RBM25: variants seen among roughly 807,000 people sequenced by gnomAD.
The protein encoded by RBM25 is RNA-binding protein 25.
A neutral mutation model predicts 120.7 loss-of-function variants in RBM25; 19 were observed. That is an observed-to-expected ratio of 0.16 (90% CI 0.11 to 0.23). The LOEUF (loss-of-function observed/expected upper bound fraction) is 0.23, where lower values mean the gene tolerates loss of function less well. Among genes scored for constraint, RBM25 ranks in the 10% least tolerant of loss-of-function variants. The pLI is 1.00. For missense variants in RBM25, 605 were observed against 1,041.5 expected (o/e 0.58, Z 5.77); for synonymous variants, 390 against 326.7 (o/e 1.19, Z -2.09).
chr14:73,075,030 A>G (rs771640534), intron 2 of RBM25, among the ~76,000 whole-genome samples: 3 of 146,122 alleles, frequency 2.1e-5, no homozygotes, highest in Admixed American at 6.9e-5. Flanking sequence ...GAGTTTTGCT[A>G]TGTTTCCTAG....
At chr14:73,082,264 T>C (rs994629863) in intron 4 of RBM25, among the ~76,000 whole-genome samples, 11 of 152,144 alleles carry the variant, frequency 7.2e-5, no homozygotes, top group South Asian at 2.1e-4. Context: ...CCCTCCTCCT[T>C]CTGTCTTTTT....
chr14:73,114,090 C>T (rs1208225514), intron 17 of RBM25, among the ~76,000 whole-genome samples, 196 bp from the exon 18 acceptor site: 1 of 151,164 alleles, frequency 6.6e-6, no homozygotes, highest in Non-Finnish European at 1.5e-5. Context: ...CTACAGACCA[C>T]TATGGAGATT....
chr14:73,105,143 T>C (rs1215180383), intron 10 of RBM25, among the ~76,000 whole-genome samples: 1 of 138,536 alleles, frequency 7.2e-6, no homozygotes, highest in Non-Finnish European at 1.6e-5. Context: ...TTTTTTTTTT[T>C]TGGAGACGGG....
chr14:73,060,379 G>A (rs181982644), intron 1 of RBM25, among the ~76,000 whole-genome samples: 1 of 151,310 alleles, frequency 6.6e-6, no homozygotes, highest in Admixed American at 6.6e-5. Flanking sequence ...GTTAACATTG[G>A]GTAACTACTT....
chr14:73,089,828 G>C (rs1367875816), intron 6 of RBM25, among the ~76,000 whole-genome samples: 3 of 150,228 alleles, frequency 2.0e-5, no homozygotes, highest in Non-Finnish European at 4.4e-5. Flanking sequence ...CACCAGGCTC[G>C]GCTACTTTTT....
intron 18 of RBM25, among the ~76,000 whole-genome samples, chr14:73,116,651 C>T (rs1896434164): frequency 6.6e-6 from 1 of 152,114 alleles, no homozygotes; most frequent in South Asian, 2.1e-4. Flanking sequence ...TAGAGGGTGT[C>T]GTAGTTAGGC....
chr14:73,077,984 T>C (rs370989187), intron 4 of RBM25, among the ~76,000 whole-genome samples: 1 of 151,912 alleles, frequency 6.6e-6, no homozygotes, highest in East Asian at 1.9e-4. Flanking sequence ...GGGCAACATA[T>C]CGAGACACAT....
chr14:73,093,038 T>C (rs1003546282), intron 6 of RBM25, among the ~76,000 whole-genome samples: 5 of 152,250 alleles, frequency 3.3e-5, no homozygotes, highest in African/African-American at 9.6e-5. Context: ...CATGCTAATT[T>C]AGTTCATGTC....
intron 6 of RBM25, among the ~76,000 whole-genome samples, chr14:73,096,269 G>A (rs534719674): frequency 3.9e-5 from 6 of 152,170 alleles, no homozygotes; most frequent in South Asian, 4.2e-4. Flanking sequence ...GAGCCACTGC[G>A]CCTGGCCAGA....
At chr14:73,073,557 C>T (rs1210412228) in intron 2 of RBM25, among the ~76,000 whole-genome samples, 2 of 152,038 alleles carry the variant, frequency 1.3e-5, no homozygotes, top group Non-Finnish European at 2.9e-5. Context: ...GGCGTGGTGG[C>T]TCAGGCGTGA....
intron 10 of RBM25, 23 bp from the exon 11 acceptor site, chr14:73,105,836 G>T: frequency 6.3e-7 from 1 of 1,598,350 alleles, no homozygotes; most frequent in Non-Finnish European, 8.5e-7. Context: ...TGACAGATTT[G>T]TAAAATATTT....
intron 1 of RBM25, among the ~76,000 whole-genome samples, chr14:73,066,628 CAG>C (rs1895141304): frequency 8.5e-6 from 1 of 118,244 alleles, no homozygotes; most frequent in South Asian, 2.8e-4. Flanking sequence ...TCCTGGGTGA[CAG>C]AGCAAGACTC....
intron 9 of RBM25, chr14:73,100,901 G>T (rs1896042858): frequency 6.6e-6 from 1 of 152,164 alleles, no homozygotes; most frequent in Non-Finnish European, 1.5e-5. Context: ...AATAATTTTG[G>T]TTAGGTATAA....
At chr14:73,095,474 C>T (rs76908157) in intron 6 of RBM25, among the ~76,000 whole-genome samples, 11,419 of 151,712 alleles carry the variant, frequency 0.075, 432 homozygotes, top group Non-Finnish European at 0.09. Flanking sequence ...GGTGTGGTGG[C>T]GGGAGCCTGT....
At position 73,114,292 on chromosome 14, in the gene RBM25, G is replaced by T; in HGVS notation, c.2398G>T (p.Ala800Ser). 2 of 1,556,026 alleles carry T rather than the reference G, an allele frequency of 1.3e-6. No individual in the cohort carries two copies. Among genetic ancestry groups the T allele is most frequent in the Non-Finnish European group, 1.7e-6 (2 of 1,148,722 alleles). Residue 800 changes from alanine (A) to serine (S), a missense_variant, in exon 18 of 19, where the codon GCT becomes TCT. Ala to Ser is a moderately conservative substitution (Grantham distance 99, BLOSUM62 1). Coordinates refer to ENST00000261973, the MANE Select transcript of RBM25 (RefSeq NM_021239.3). ...LVDFVCSKVMAHSSPQSILDD... is the reference protein window; with the variant it reads ...LVDFVCSKVMSHSSPQSILDD... ...AATTATTTTTCTCTTTTAGGTTATG[G>T]CTCATAGTTCACCCCAGAGCATTTT...
At chr14:73,076,420 T>C in intron 3 of RBM25, 52 bp downstream of exon 3, 1 of 1,470,690 alleles carries the variant, frequency 6.8e-7, no homozygotes, top group African/African-American at 1.4e-5. Flanking sequence ...CTAGTGCTTT[T>C]AAGCTGAACA....
At chr14:73,094,144 G>C (rs1223965259) in intron 6 of RBM25, among the ~76,000 whole-genome samples, 7 of 151,178 alleles carry the variant, frequency 4.6e-5, no homozygotes, top group Non-Finnish European at 1.0e-4. Flanking sequence ...TGGTAGAGAC[G>C]GGGTTTCACT....
intron 1 of RBM25, among the ~76,000 whole-genome samples, chr14:73,064,188 G>A (rs574645726): frequency 6.6e-6 from 1 of 151,428 alleles, no homozygotes; most frequent in Non-Finnish European, 1.5e-5. Context: ...ATCTTTCAAT[G>A]TATTATAATT....
chr14:73,112,409 G>A (rs917141992), intron 17 of RBM25, among the ~76,000 whole-genome samples, 159 bp downstream of exon 17: 5 of 63,548 alleles, frequency 7.9e-5, no homozygotes, highest in Non-Finnish European at 1.0e-4. Context: ...TTTATTTTTG[G>A]TGTGTTTTTT....
Sources: gnomAD v4.1 joint callset for allele counts (sites outside exome capture counted in the v4.1 genomes callset) on GRCh38, gnomAD v4.1.1 for gene constraint, MANE v1.5 for transcripts, NCBI Gene and HGNC (gene_info 2026-07-23, HGNC 2026-07-21) for gene names.